ADAM17: variants seen among roughly 807,000 people sequenced by gnomAD.
ADAM17 encodes ADAM metallopeptidase domain 17.
In ADAM17, 39 loss-of-function variants were observed where a neutral mutation model predicts 96.7. The ratio of observed to expected loss-of-function variants is 0.40; its 90% CI spans 0.31 to 0.53. The LOEUF is 0.53. ADAM17 is among the 20% of genes least tolerant of loss of function. The pLI, the probability that ADAM17 is intolerant of heterozygous loss-of-function variation, is 0.44. For synonymous variants in ADAM17, 344 were observed against 359.2 expected (o/e 0.96, Z 0.48); for missense variants, 777 against 1,013.2 (o/e 0.77, Z 3.17).
chr2:9,519,818 T>C (rs1319626596), intron 8 of ADAM17, among the ~76,000 whole-genome samples: 1 of 152,172 alleles, frequency 6.6e-6, no homozygotes, highest in Non-Finnish European at 1.5e-5. Flanking sequence ...TGCTGACCCC[T>C]TGATTTTGGA....
chr2:9,510,273 C>G (rs993764210), intron 10 of ADAM17, 142 bp from the exon 11 acceptor site: 26 of 939,866 alleles, frequency 2.8e-5, no homozygotes, highest in African/African-American at 2.3e-4. Flanking sequence ...AATACCAGCA[C>G]TTTAGGAGGC....
rs372974434 is a variant in ADAM17 at position 9,526,083 on chromosome 2, A to T, written c.753+28T>A. The T allele has an allele frequency of 5.1e-6, 8 of 1,563,560 alleles. No homozygotes were observed. The Admixed American group carries it at 7.7e-5, about 15-fold the overall frequency. ...TGTACCCACCCAAATTTTTTTTTCA[A>T]TTACTCGATGCAATATCAAATACTT... On this transcript the variant is annotated intron_variant, in intron 6 of 18. Coordinates refer to ENST00000310823, the MANE Select transcript of ADAM17 (RefSeq NM_003183.6).
rs754284338 is a variant in ADAM17 at position 9,490,205 on chromosome 2, C to T, written c.2447G>A (p.Arg816His). The change falls in exon 19 of 19, where the codon CGT becomes CAT. Residue 816 changes from arginine (R) to histidine (H), a missense_variant. This residue lies in a region of ADAM17 where 197 missense variants were observed against 219.4 expected (regional missense o/e 0.90). Transcript: ENST00000310823. ...AASFKLQRQN[R>H]VDSKETEC ...GCACTCTGTTTCTTTGCTGTCAACACGATTCTGACGCTGCAGTTTAAAGGA... is the reference window on the plus strand; with the variant it reads ...GCACTCTGTTTCTTTGCTGTCAACATGATTCTGACGCTGCAGTTTAAAGGA... 13 of 1,598,690 alleles carry T rather than the reference C, an allele frequency of 8.1e-6. No homozygotes were observed. The highest frequency in any genetic ancestry group is 3.3e-5 in the South Asian group (3 of 90,824).
At chr2:9,493,015 T>G in intron 16 of ADAM17, 29 bp from the exon 17 acceptor site, 2 of 1,553,550 alleles carry the variant, frequency 1.3e-6, no homozygotes, top group Non-Finnish European at 1.8e-6. Context: ...AGTTAATGTC[T>G]TGACCAAGTA....
intron 1 of ADAM17, among the ~76,000 whole-genome samples, chr2:9,544,424 T>C (rs1451064321): frequency 1.3e-5 from 2 of 152,122 alleles, no homozygotes; most frequent in African/African-American, 2.4e-5. Flanking sequence ...CCCAGCTAGT[T>C]TGAGGCAGGA....
At chr2:9,551,060 G>C (rs1396298262) in intron 1 of ADAM17, among the ~76,000 whole-genome samples, 1 of 150,240 alleles carries the variant, frequency 6.7e-6, no homozygotes, top group Non-Finnish European at 1.5e-5. Flanking sequence ...GGGTGACAGT[G>C]AGACTCTGTC....
At chr2:9,539,986 T>C (rs1451548784) in intron 2 of ADAM17, among the ~76,000 whole-genome samples, 1 of 152,088 alleles carries the variant, frequency 6.6e-6, no homozygotes. Context: ...ATGGAAACTT[T>C]GTAAAATAAA....
chr2:9,490,151 T>G lies in ADAM17; in HGVS notation c.*26A>C, dbSNP rs773726116. 4.5e-6 allele frequency: 7 copies of G among 1,559,606 alleles called. No homozygotes were observed. Among genetic ancestry groups the G allele is most frequent in the Non-Finnish European group, 6.1e-6 (7 of 1,143,946 alleles). On this transcript the variant is annotated 3_prime_UTR_variant, in exon 19 of 19. Coordinates refer to ENST00000310823, the MANE Select transcript of ADAM17 (RefSeq NM_003183.6). The stretch of plus-strand genomic sequence containing the variant: ...AAATCTATAAAAATATTTTGCACAC[T>G]TAAGTCAGAAGAGCTGAGAACTAAA...
intron 12 of ADAM17, 141 bp downstream of exon 12, chr2:9,505,025 G>T: frequency 1.1e-6 from 1 of 941,638 alleles, no homozygotes; most frequent in Non-Finnish European, 1.6e-6. Flanking sequence ...TTCTTGCTGT[G>T]AAGGGCAAAA....
intron 6 of ADAM17, among the ~76,000 whole-genome samples, chr2:9,524,026 C>A (rs528556427): frequency 2.7e-4 from 41 of 151,376 alleles, no homozygotes; most frequent in African/African-American, 9.3e-4. Flanking sequence ...CAGGCACACA[C>A]CACCATGCCG....
At chr2:9,539,269 G>C (rs1317192687) in intron 2 of ADAM17, among the ~76,000 whole-genome samples, 4 of 151,922 alleles carry the variant, frequency 2.6e-5, no homozygotes, top group Non-Finnish European at 5.9e-5. Context: ...TACCACGCCT[G>C]GCTAATTTTT....
chr2:9,553,339 CA>C (rs1172700269), intron 1 of ADAM17, among the ~76,000 whole-genome samples: 1 of 151,696 alleles, frequency 6.6e-6, no homozygotes, highest in African/African-American at 2.4e-5. Flanking sequence ...TTTCCAATGC[CA>C]CGTATAATAC....
At position 9,488,486 on chromosome 2, in the gene ADAM17, TTG is replaced by T; in HGVS notation, c.*1689_*1690del. 2 of 531,694 alleles carry T rather than the reference TTG, an allele frequency of 3.8e-6. No homozygotes were observed. The highest frequency in any genetic ancestry group is 3.1e-5 in the East Asian group (1 of 31,886). The allele number at this position is 531,694 out of a possible 1,614,324, so 32.9% of individuals were successfully genotyped here. On this transcript the variant is annotated 3_prime_UTR_variant, in exon 19 of 19. Coordinates refer to ENST00000310823, the MANE Select transcript of ADAM17 (RefSeq NM_003183.6). ...CAGGGAAGTTTTATACTTAGGTCCATTGTGTTTCGACAGTATTTATTAATGCA... is the reference window on the plus strand; with the variant it reads ...CAGGGAAGTTTTATACTTAGGTCCATTGTTTCGACAGTATTTATTAATGCA...
intron 9 of ADAM17, 31 bp downstream of exon 9, chr2:9,518,072 G>C: frequency 6.3e-7 from 1 of 1,575,888 alleles, no homozygotes; most frequent in Non-Finnish European, 8.6e-7. Flanking sequence ...AATCCCAGCA[G>C]CATATTCACA....
chr2:9,535,895 T>C lies in ADAM17; in HGVS notation c.389A>G (p.His130Arg). The change falls in exon 4 of 19, where the codon CAC becomes CGC. Residue 130 changes from histidine (H) to arginine (R), a missense_variant. By Grantham distance (29) the His-to-Arg change is conservative (BLOSUM62 0). Around this residue, in one of 3 missense-constraint regions of ADAM17, gnomAD observed 446 missense variants for 664.7 expected, o/e 0.67. Coordinates refer to ENST00000310823, the MANE Select transcript of ADAM17 (RefSeq NM_003183.6). ...VGEPDSRVLA[H>R]IRDDDVIIRI... ...GATTATAACATCATCATCTCTTATG[T>C]GGGCTAGAACCCTAGAGTCAGGCTC... 2 of 1,605,712 alleles carry C rather than the reference T, an allele frequency of 1.2e-6. No homozygotes were observed. Among genetic ancestry groups the C allele is most frequent in the Non-Finnish European group, 1.7e-6 (2 of 1,175,828 alleles).
intron 1 of ADAM17, among the ~76,000 whole-genome samples, chr2:9,544,529 C>G (rs1035717452): frequency 7.1e-6 from 1 of 140,130 alleles, no homozygotes; most frequent in African/African-American, 2.7e-5. Context: ...CATCTCTAGG[C>G]GGGGGAAAAA....
chr2:9,501,743 G>C (rs543882200), intron 13 of ADAM17, among the ~76,000 whole-genome samples: 18 of 152,230 alleles, frequency 1.2e-4, no homozygotes, highest in Admixed American at 3.9e-4. Context: ...TTTGCTATTA[G>C]GATGTAGCCA....
At chr2:9,513,485 G>C (rs1176118530) in intron 10 of ADAM17, among the ~76,000 whole-genome samples, 1 of 152,168 alleles carries the variant, frequency 6.6e-6, no homozygotes. Context: ...GGAACAGTCA[G>C]TCTTGTGGGA....
Position 9,518,191 on chromosome 2 carries a change from GA to G in ADAM17, c.1013del (p.Phe338SerfsTer13). On this transcript the variant is annotated frameshift_variant, in exon 9 of 19. Transcript: ENST00000310823. LOFTEE classifies it high-confidence loss of function. ...TTCCCATATCAAAATCTTGGTATGTGAAAAGGTGTGCCAAGCAAACTTTAGA... is the reference window on the plus strand; with the variant it reads ...TTCCCATATCAAAATCTTGGTATGTGAAAGGTGTGCCAAGCAAACTTTAGA... The part of the protein sequence containing the change: ...EASKVCLAHL[F>X]TYQDFDMGTL... The G allele has an allele frequency of 1.4e-6, 2 of 1,461,380 alleles. No homozygotes were observed. Among genetic ancestry groups the G allele is most frequent in the African/African-American group, 1.6e-5 (1 of 63,136 alleles). 90.5% of individuals were successfully genotyped at this position (1,461,380 alleles called of 1,614,324 possible). A position where few individuals can be genotyped will look rare whatever the true frequency, so the allele number is the denominator to read the frequency against.
Sources: gnomAD v4.1 joint callset for allele counts (sites outside exome capture counted in the v4.1 genomes callset) on GRCh38, gnomAD v4.1.1 for gene constraint, gnomAD v4.1.1 regional missense constraint, MANE v1.5 for transcripts, NCBI Gene and HGNC (gene_info 2026-07-23, HGNC 2026-07-21) for gene names.